The following GNAL variants were observed in gnomAD, a reference collection of about 807,000 sequenced individuals.
The protein encoded by GNAL is G protein subunit alpha L.
GNAL carries 18 observed loss-of-function variants against 55.1 expected under a neutral mutation model. The ratio of observed to expected loss-of-function variants is 0.33; its 90% CI spans 0.23 to 0.48. GNAL has a LOEUF of 0.48. Among genes scored for constraint, GNAL ranks in the 20% least tolerant of loss-of-function variants. The pLI, the probability that GNAL is intolerant of heterozygous loss-of-function variation, is 0.99. For synonymous variants in GNAL, 253 were observed against 237.0 expected, an observed-to-expected ratio of 1.07 and a Z score of -0.62; for missense variants, 412 against 614.1, an observed-to-expected ratio of 0.67 and a Z score of 3.48.
At chr18:11,746,137 A>G (rs1598425112) in intron 1 of GNAL, 1 of 543,180 alleles carries the variant, frequency 1.8e-6, no homozygotes, top group East Asian at 5.0e-5. Context: ...GTTCTGGGAC[A>G]CTATGAAGTT....
At chr18:11,843,400 C>G (rs1000447312) in intron 5 of GNAL, among the ~76,000 whole-genome samples, 6 of 152,090 alleles carry the variant, frequency 3.9e-5, no homozygotes, top group African/African-American at 1.2e-4. Context: ...TGGTGCACAC[C>G]TGTAATCCCA....
Position 11,826,721 on chromosome 18 carries a change from G to A in GNAL, c.722+1706G>A, listed in dbSNP as rs185097956. Among the ~76,000 whole-genome samples the A allele has an allele frequency of 2.6e-5, 4 of 152,272 alleles. No homozygotes were observed. In the South Asian group the frequency reaches 8.3e-4, roughly 32 times the overall value. On this transcript the variant is annotated intron_variant, in intron 5 of 11. Transcript: ENST00000334049. ...AACCACGGTGCCATTTACTGCAAAG[G>A]GGACATCTAGGAGACTTAGGGAAGA...
Position 11,885,574 on chromosome 18 carries a change from G to A in GNAL, c.*4439G>A, listed in dbSNP as rs899892298. 8 of 1,406,512 alleles carry A rather than the reference G, an allele frequency of 5.7e-6. No homozygotes were observed. In the African/African-American group the frequency reaches 8.6e-5, roughly 15 times the overall value. The allele number at this position is 1,406,512 out of a possible 1,614,324, so 87.1% of individuals were successfully genotyped here. A position where few individuals can be genotyped will look rare whatever the true frequency, so the allele number is the denominator to read the frequency against. On this transcript the variant is annotated 3_prime_UTR_variant, in exon 12 of 12. Transcript: ENST00000334049. The stretch of plus-strand genomic sequence containing the variant: ...GTAGAAGGAGAGAAATTTGTGTGTG[G>A]CTTTTGTAAATTTTGACCGATTGCA...
At chr18:11,757,162 T>G (rs1568012965) in intron 4 of GNAL, among the ~76,000 whole-genome samples, 1 of 152,210 alleles carries the variant, frequency 6.6e-6, no homozygotes, top group Non-Finnish European at 1.5e-5. Context: ...CTCTCTGTGG[T>G]GTCTTTCATT....
At chr18:11,801,450 G>A (rs908349184) in intron 4 of GNAL, among the ~76,000 whole-genome samples, 4 of 152,172 alleles carry the variant, frequency 2.6e-5, no homozygotes, top group African/African-American at 7.2e-5. Context: ...CAACTAGGGA[G>A]GCTGAGACAG....
Position 11,841,723 on chromosome 18 carries a change from T to C in GNAL, c.722+16708T>C, listed in dbSNP as rs1272571147. ...TTCATCAGATTTATGGAGGAAGCTCTGTGAGCACCTCTGCTTCCCAACTGC... is the reference window on the plus strand; with the variant it reads ...TTCATCAGATTTATGGAGGAAGCTCCGTGAGCACCTCTGCTTCCCAACTGC... On this transcript the variant is annotated intron_variant, in intron 5 of 11. Transcript: ENST00000334049. 6.6e-5 allele frequency among the ~76,000 whole-genome samples: 10 copies of C among 152,100 alleles called. No individual in the cohort carries two copies. The East Asian group carries it at 1.9e-3, about 29-fold the overall frequency.
rs1196784722 is a variant in GNAL at position 11,751,337 on chromosome 18, G to C, written c.377-1516G>C. 1 of 196,180 alleles carries C rather than the reference G, an allele frequency of 5.1e-6. No homozygotes were observed. Among genetic ancestry groups the C allele is most frequent in the African/African-American group, 2.4e-5 (1 of 42,202 alleles). The allele number at this position is 196,180 out of a possible 1,614,324, so 12.2% of individuals were successfully genotyped here. On this transcript the variant is annotated intron_variant, in intron 1 of 11. Transcript: ENST00000334049. The surrounding 1 kb of genome is among the most constrained non-coding windows in gnomAD (Gnocchi z 4.5). Reference sequence around the variant, plus strand: ...GTCTCGCGCCCTAGTTCGTTCCTCTGCTACAACGCCAAGTTCGAGGCCACA... The same window carrying C: ...GTCTCGCGCCCTAGTTCGTTCCTCTCCTACAACGCCAAGTTCGAGGCCACA...
chr18:11,880,409 A>C (rs1449597083), intron 11 of GNAL, among the ~76,000 whole-genome samples: 1 of 151,880 alleles, frequency 6.6e-6, no homozygotes, highest in South Asian at 2.1e-4. Context: ...TCTCTACTAA[A>C]AATACAAAAA....
intron 5 of GNAL, among the ~76,000 whole-genome samples, chr18:11,855,561 AT>A (rs2035986986): frequency 6.6e-6 from 1 of 152,010 alleles, no homozygotes; most frequent in Non-Finnish European, 1.5e-5. Flanking sequence ...CTGCTGGGGA[AT>A]TTTCTTACTA....
rs2036680338 is a variant in GNAL, at chr18:11,881,140, G to A, written c.*5G>A. ...AAGCAGTATGAGCTCTTGTGAGGAT[G>A]CTGCCGCCACCCTGCGACGGAGCGG... On this transcript the variant is annotated 3_prime_UTR_variant, in exon 12 of 12. Coordinates refer to ENST00000334049, the MANE Select transcript of GNAL (RefSeq NM_182978.4). The surrounding 1 kb of genome is among the most constrained non-coding windows in gnomAD (Gnocchi z 4.8). 3 of 1,602,248 alleles carry A rather than the reference G, an allele frequency of 1.9e-6. No individual in the cohort carries two copies. The highest frequency in any genetic ancestry group is 2.2e-5 in the South Asian group (2 of 89,736).
Position 11,881,162 on chromosome 18 carries a change from G to C in GNAL, c.*27G>C, listed in dbSNP as rs138734039. On this transcript the variant is annotated 3_prime_UTR_variant, in exon 12 of 12. Transcript: ENST00000334049. The surrounding 1 kb of genome is among the most constrained non-coding windows in gnomAD (Gnocchi z 4.8). The stretch of plus-strand genomic sequence containing the variant: ...GATGCTGCCGCCACCCTGCGACGGA[G>C]CGGCGCCCCGGACTGCCTGACTGCC... 3.6e-5 allele frequency: 57 copies of C among 1,581,586 alleles called. No individual in the cohort carries two copies. The highest frequency in any genetic ancestry group is 4.8e-5 in the Non-Finnish European group (56 of 1,161,190).
chr18:11,853,995 T>C (rs2035944174), intron 5 of GNAL: 1 of 165,538 alleles, frequency 6.0e-6, no homozygotes, highest in South Asian at 2.1e-4. Flanking sequence ...GCTAGTTTTT[T>C]TGTATTTTTA....
At chr18:11,704,611 C>T (rs972155005) in intron 1 of GNAL, among the ~76,000 whole-genome samples, 9 of 152,180 alleles carry the variant, frequency 5.9e-5, no homozygotes, top group South Asian at 4.1e-4. Flanking sequence ...GACCCAGCCA[C>T]GCAGCCTACT....
At chr18:11,725,579 C>A (rs936221179) in intron 1 of GNAL, among the ~76,000 whole-genome samples, 2 of 152,146 alleles carry the variant, frequency 1.3e-5, no homozygotes, top group Non-Finnish European at 2.9e-5. Context: ...AGACTTCTTT[C>A]ACTTAGTAAA....
intron 1 of GNAL, among the ~76,000 whole-genome samples, chr18:11,715,643 C>G (rs1222846208): frequency 6.6e-6 from 1 of 151,896 alleles, no homozygotes; most frequent in Non-Finnish European, 1.5e-5. Context: ...TATGGAGAGC[C>G]AGGTGCAGAT....
chr18:11,760,430 A>G (rs2033203574), intron 4 of GNAL, among the ~76,000 whole-genome samples: 1 of 152,228 alleles, frequency 6.6e-6, no homozygotes, highest in Non-Finnish European at 1.5e-5. Flanking sequence ...GAGCTGGTGT[A>G]AAAAGGGCAC....
intron 1 of GNAL, among the ~76,000 whole-genome samples, chr18:11,719,785 T>C (rs1398463432): frequency 6.6e-6 from 1 of 152,156 alleles, no homozygotes; most frequent in East Asian, 1.9e-4. Context: ...CCATGGACAG[T>C]GCAGAGCTGC....
chr18:11,718,718 G>A (rs2032028947), intron 1 of GNAL, among the ~76,000 whole-genome samples: 1 of 152,182 alleles, frequency 6.6e-6, no homozygotes, highest in Admixed American at 6.5e-5. Context: ...TCTCTGAGCA[G>A]CATTAACAAT....
At chr18:11,721,356 T>G (rs2032088151) in intron 1 of GNAL, among the ~76,000 whole-genome samples, 1 of 152,194 alleles carries the variant, frequency 6.6e-6, no homozygotes, top group Non-Finnish European at 1.5e-5. Flanking sequence ...CAACTAAACC[T>G]TTTTCTGCTC....
Sources: gnomAD v4.1 joint callset for allele counts (sites outside exome capture counted in the v4.1 genomes callset) on GRCh38, gnomAD v4.1.1 for gene constraint, Gnocchi (gnomAD v3.1) non-coding constraint, MANE v1.5 for transcripts, NCBI Gene and HGNC (gene_info 2026-07-23, HGNC 2026-07-21) for gene names.